Variants in ZBTB7C observed in about 807,000 individuals in gnomAD.
ZBTB7C encodes the protein zinc finger and BTB domain-containing protein 7C.
A neutral mutation model predicts 25.7 loss-of-function variants in ZBTB7C; 8 were observed. The ratio of observed to expected loss-of-function variants is 0.31; its 90% CI spans 0.18 to 0.56. ZBTB7C has a LOEUF of 0.56. ZBTB7C is among the 20% of genes least tolerant of loss of function. ZBTB7C has a pLI of 0.91. For missense variants in ZBTB7C, 824 were observed against 855.2 expected (o/e 0.96, Z 0.46); for synonymous variants, 394 against 369.0 (o/e 1.07, Z -0.78).
At chr18:48,243,934 C>T (rs1451971666) in intron 2 of ZBTB7C, among the ~76,000 whole-genome samples, 3 of 152,142 alleles carry the variant, frequency 2.0e-5, no homozygotes, top group African/African-American at 7.2e-5. Flanking sequence ...AAAGGACACC[C>T]TATTCAACAA....
intron 2 of ZBTB7C, among the ~76,000 whole-genome samples, chr18:48,247,697 C>T (rs1160959539): frequency 6.6e-6 from 1 of 152,188 alleles, no homozygotes; most frequent in Admixed American, 6.5e-5. Flanking sequence ...CCCATAATCC[C>T]CACATGTCAA....
Position 48,084,593 on chromosome 18 carries a change from G to T in ZBTB7C, c.-16-43470C>A, listed in dbSNP as rs527851062. ...ACGGAGGAGTGAGTGACTCAGGCAG[G>T]CCCCACTCGCCCTATCACCCCTACC... On this transcript the variant is annotated intron_variant, in intron 3 of 4. Transcript: ENST00000590800. Among the ~76,000 whole-genome samples, 4 of 152,222 alleles carry T rather than the reference G, an allele frequency of 2.6e-5. No homozygotes were observed. The South Asian group carries it at 8.3e-4, about 32-fold the overall frequency.
At chr18:48,357,930 T>C (rs2047013415) in intron 1 of ZBTB7C, among the ~76,000 whole-genome samples, 1 of 152,092 alleles carries the variant, frequency 6.6e-6, no homozygotes, top group South Asian at 2.1e-4. Context: ...ATCCCCAGCG[T>C]TGGAGGTGAG....
At chr18:48,261,792 C>T (rs1276062124) in intron 2 of ZBTB7C, among the ~76,000 whole-genome samples, 1 of 152,222 alleles carries the variant, frequency 6.6e-6, no homozygotes, top group African/African-American at 2.4e-5. Flanking sequence ...TTAACCAGGA[C>T]ATGGTGGTCA....
intron 3 of ZBTB7C, among the ~76,000 whole-genome samples, chr18:48,128,854 T>C (rs2039892560): frequency 7.4e-6 from 1 of 135,614 alleles, no homozygotes; most frequent in Non-Finnish European, 1.7e-5. Flanking sequence ...CTAAAAGCTA[T>C]TGAAATAAAT....
intron 2 of ZBTB7C, among the ~76,000 whole-genome samples, chr18:48,258,106 C>T (rs1164998609): frequency 6.6e-6 from 1 of 152,150 alleles, no homozygotes; most frequent in Non-Finnish European, 1.5e-5. Flanking sequence ...CATGTACAAA[C>T]AAACCTATAA....
At chr18:48,246,321 T>A (rs1191975759) in intron 2 of ZBTB7C, among the ~76,000 whole-genome samples, 3 of 151,860 alleles carry the variant, frequency 2.0e-5, no homozygotes, top group Non-Finnish European at 4.4e-5. Flanking sequence ...TCCCAGCTAC[T>A]TGGGAGGCTA....
chr18:48,407,763 G>T (rs908736224), intron 1 of ZBTB7C, among the ~76,000 whole-genome samples: 7 of 152,138 alleles, frequency 4.6e-5, no homozygotes, highest in Non-Finnish European at 1.0e-4. Flanking sequence ...ATGTACTTGT[G>T]GGGGCAGGGA....
chr18:48,355,535 C>T (rs962109174), intron 1 of ZBTB7C, among the ~76,000 whole-genome samples: 3 of 152,160 alleles, frequency 2.0e-5, no homozygotes, highest in African/African-American at 7.2e-5. Flanking sequence ...CTTAGCCATT[C>T]GCTTCCGCAC....
At chr18:48,240,163 GA>G (rs975369022) in intron 2 of ZBTB7C, among the ~76,000 whole-genome samples, 6 of 150,882 alleles carry the variant, frequency 4.0e-5, no homozygotes, top group South Asian at 2.1e-4. Context: ...ATCCAACAAA[GA>G]AAAAAAAATT....
Position 48,266,970 on chromosome 18 carries a change from A to G in ZBTB7C, c.-79+71204T>C, listed in dbSNP as rs1267634672. ...CTAGTAGGCTCCACCCCATTCCTTT[A>G]AAGGATTACATAGCACTCTATAGCT... On this transcript the variant is annotated intron_variant, in intron 2 of 4. Coordinates refer to ENST00000590800, the MANE Select transcript of ZBTB7C (RefSeq NM_001318841.2). 2.0e-5 allele frequency among the ~76,000 whole-genome samples: 3 copies of G among 152,202 alleles called. No homozygotes were observed. In the East Asian group the frequency reaches 5.8e-4, roughly 29 times the overall value.
chr18:48,138,188 C>T (rs1598952136), intron 3 of ZBTB7C, among the ~76,000 whole-genome samples: 2 of 152,238 alleles, frequency 1.3e-5, no homozygotes, highest in Non-Finnish European at 2.9e-5. Flanking sequence ...AGGCCATGAG[C>T]CTTAAAGGAT....
At position 48,361,172 on chromosome 18, in the gene ZBTB7C, G is replaced by A. The variant is rs145161580; in HGVS notation, c.-303-22774C>T. 4.2e-3 allele frequency among the ~76,000 whole-genome samples: 633 copies of A among 152,242 alleles called. 4 individuals are homozygous for A. Among genetic ancestry groups the A allele is most frequent in the African/African-American group, 0.015 (613 of 41,536 alleles). Reference sequence around the variant, plus strand: ...TCCCTGCGTCAGGCCAAATTCACAAGGCTTGGTGTCCAGAGAGTCACAGGT... The same window carrying A: ...TCCCTGCGTCAGGCCAAATTCACAAAGCTTGGTGTCCAGAGAGTCACAGGT... On this transcript the variant is annotated intron_variant, in intron 1 of 4. Coordinates refer to ENST00000590800, the MANE Select transcript of ZBTB7C (RefSeq NM_001318841.2).
intron 2 of ZBTB7C, among the ~76,000 whole-genome samples, chr18:48,285,183 A>G (rs1400713557): frequency 6.6e-6 from 1 of 152,184 alleles, no homozygotes; most frequent in Non-Finnish European, 1.5e-5. Flanking sequence ...AACCTTTTAT[A>G]GTCTTACTAG....
chr18:48,164,636 CT>C (rs144733388), intron 3 of ZBTB7C, among the ~76,000 whole-genome samples: 2,228 of 151,870 alleles, frequency 0.015, 59 homozygotes, highest in African/African-American at 0.051. Flanking sequence ...TTCATAAGCG[CT>C]TTTTTTTGCA....
Position 48,198,782 on chromosome 18 carries a change from A to T in ZBTB7C, c.-78-12787T>A, listed in dbSNP as rs113039259. On this transcript the variant is annotated intron_variant, in intron 2 of 4. Coordinates refer to ENST00000590800, the MANE Select transcript of ZBTB7C (RefSeq NM_001318841.2). ...CATCTTCAATCCCTTCTGCCGTGTAACCTAACACTTTCACAGGCCCTGGGG... is the reference window on the plus strand; with the variant it reads ...CATCTTCAATCCCTTCTGCCGTGTATCCTAACACTTTCACAGGCCCTGGGG... Among the ~76,000 whole-genome samples the T allele has an allele frequency of 6.3e-3, 958 of 152,240 alleles. 16 individuals carry two copies. The highest frequency in any genetic ancestry group is 0.022 in the African/African-American group (923 of 41,546).
At chr18:48,362,260 A>G (rs968873821) in intron 1 of ZBTB7C, among the ~76,000 whole-genome samples, 1 of 152,164 alleles carries the variant, frequency 6.6e-6, no homozygotes, top group Non-Finnish European at 1.5e-5. Flanking sequence ...TTTCTCCCCA[A>G]CAAACTCAAA....
At chr18:48,282,024 C>A (rs1457644293) in intron 2 of ZBTB7C, among the ~76,000 whole-genome samples, 1 of 147,450 alleles carries the variant, frequency 6.8e-6, no homozygotes, top group Non-Finnish European at 1.5e-5. Context: ...ATGTTTATTG[C>A]GGCATTATTC....
At chr18:48,054,068 G>C (rs1479881171) in intron 3 of ZBTB7C, among the ~76,000 whole-genome samples, 1 of 152,228 alleles carries the variant, frequency 6.6e-6, no homozygotes, top group Admixed American at 6.5e-5. Context: ...AACGAATTTA[G>C]AGACAGGCTA....
Sources: gnomAD v4.1 joint callset for allele counts (sites outside exome capture counted in the v4.1 genomes callset) on GRCh38, gnomAD v4.1.1 for gene constraint, MANE v1.5 for transcripts, NCBI Gene and HGNC (gene_info 2026-07-23, HGNC 2026-07-21) for gene names.